The following RBFOX3 variants were observed in gnomAD, a reference collection of about 807,000 sequenced individuals.
RBFOX3 encodes the protein RNA binding protein fox-1 homolog 3.
Under a neutral mutation model 48.7 loss-of-function variants are expected in RBFOX3, and 17 were observed. That is an observed-to-expected ratio of 0.35 (90% CI 0.24 to 0.52). The LOEUF is 0.52. Ranked by LOEUF, RBFOX3 falls within the 20% of genes least tolerant of loss-of-function variation. The probability of loss-of-function intolerance (pLI) is 0.94; values close to 1 mark genes in which losing one functional copy is unlikely to be tolerated. For synonymous variants in RBFOX3, 212 were observed against 209.5 expected (o/e 1.01, Z -0.10); for missense variants, 382 against 497.5 (o/e 0.77, Z 2.21).
intron 3 of RBFOX3, among the ~76,000 whole-genome samples, chr17:79,273,382 A>G (rs59309535): frequency 0.034 from 5,197 of 152,202 alleles, 283 homozygotes; most frequent in African/African-American, 0.12. Context: ...TTTCCAGGAT[A>G]CTTCAGTCCA....
rs181294849 is a variant in RBFOX3, at chr17:79,286,601, C to T, written c.-74+21123G>A. Among the ~76,000 whole-genome samples, 895 of 152,352 alleles carry T rather than the reference C, an allele frequency of 5.9e-3. 5 individuals are homozygous for T. Among genetic ancestry groups the T allele is most frequent in the South Asian group, 0.026 (125 of 4,824 alleles). On this transcript the variant is annotated intron_variant, in intron 3 of 14. Coordinates refer to ENST00000693108, the MANE Select transcript of RBFOX3 (RefSeq NM_001350451.2). ...ATATGTGACAGAGCTTAATACGCTG[C>T]GGCTCCCAGCCTCGCCAGCCACCCC...
At chr17:79,388,079 CGTGTGCATGT>C (rs1375274301) in intron 2 of RBFOX3, among the ~76,000 whole-genome samples, 4 of 151,336 alleles carry the variant, frequency 2.6e-5, no homozygotes, top group East Asian at 1.9e-4. Flanking sequence ...TGTGTGCCTA[CGTGTGCATGT>C]GTGTGCATGT....
Position 79,235,780 on chromosome 17 carries a change from A to G in RBFOX3, c.-48T>C, listed in dbSNP as rs1353343151. ...AGTCTTTATACCTTTTATTCAGCCA[A>G]TTTTCCCCGAGGCACTCTGGGCTCT... is the stretch of plus-strand genomic sequence containing the variant. On this transcript the variant is annotated 5_prime_UTR_variant, in exon 4 of 15. Coordinates refer to ENST00000693108, the MANE Select transcript of RBFOX3 (RefSeq NM_001350451.2). 2.0e-5 allele frequency: 3 copies of G among 153,726 alleles called. No homozygotes were observed. Among genetic ancestry groups the G allele is most frequent in the Admixed American group, 6.5e-5 (1 of 15,280 alleles). The allele number at this position is 153,726 out of a possible 1,614,324, so 9.5% of individuals were successfully genotyped here.
At chr17:79,621,925 G>C in the RBFOX3 span, among the ~76,000 whole-genome samples, 4 of 152,172 alleles carry the variant, frequency 2.6e-5, no homozygotes, top group Non-Finnish European at 5.9e-5. Flanking sequence ...ACCCGAATCC[G>C]GGGAGAAGGA....
chr17:79,458,252 C>T (rs976620335), intron 2 of RBFOX3, among the ~76,000 whole-genome samples: 6 of 152,206 alleles, frequency 3.9e-5, no homozygotes, highest in Admixed American at 2.6e-4. Flanking sequence ...TCTGTCAGGG[C>T]CTTGTTTTTG....
rs952961929 is a variant in RBFOX3 at position 79,519,001 on chromosome 17, G to A, written c.-319-36403C>T. Among the ~76,000 whole-genome samples, 18 of 152,360 alleles carry A rather than the reference G, an allele frequency of 1.2e-4. No individual in the cohort carries two copies. The East Asian group carries it at 3.5e-3, about 29-fold the overall frequency. On this transcript the variant is annotated intron_variant, in intron 1 of 14. Transcript: ENST00000693108. ...GAGAAAGCCAGCCATCGCGGGAGACGCGTCTTCAGGATGCTGTACCCGGGA... is the reference window on the plus strand; with the variant it reads ...GAGAAAGCCAGCCATCGCGGGAGACACGTCTTCAGGATGCTGTACCCGGGA...
intron 1 of RBFOX3, among the ~76,000 whole-genome samples, chr17:79,487,784 G>A (rs374632478): frequency 7.9e-5 from 12 of 151,970 alleles, no homozygotes; most frequent in African/African-American, 2.2e-4. Context: ...GGTGGCAGGC[G>A]CCTGTAGTCC....
At chr17:79,171,798 G>A (rs1168990683) in intron 4 of RBFOX3, among the ~76,000 whole-genome samples, 1 of 151,726 alleles carries the variant, frequency 6.6e-6, no homozygotes, top group East Asian at 1.9e-4. Flanking sequence ...CCAAAGTGCT[G>A]GGATGACGGG....
intron 4 of RBFOX3, among the ~76,000 whole-genome samples, chr17:79,223,801 G>A (rs537785947): frequency 3.3e-5 from 5 of 152,234 alleles, no homozygotes; most frequent in East Asian, 1.9e-4. Flanking sequence ...GTGGCAGTGC[G>A]CCCCCCCTAC....
chr17:79,141,057 C>G (rs962014495), intron 4 of RBFOX3, among the ~76,000 whole-genome samples: 2 of 152,174 alleles, frequency 1.3e-5, no homozygotes, highest in African/African-American at 2.4e-5. Context: ...TTGGAGAGTG[C>G]AGGGGAAGCC....
At chr17:79,233,546 G>A (rs1019378337) in intron 4 of RBFOX3, 4 of 151,732 alleles carry the variant, frequency 2.6e-5, no homozygotes, top group Non-Finnish European at 5.9e-5. Context: ...AAAAACCAAC[G>A]TGCAAAAATC....
chr17:79,512,709 A>G (rs367788624), intron 1 of RBFOX3, among the ~76,000 whole-genome samples: 2,601 of 16,544 alleles, frequency 0.16, 546 homozygotes, highest in East Asian at 0.34. Flanking sequence ...CCCATGGCCA[A>G]GGGACACCCA....
Position 79,423,683 on chromosome 17 carries a change from A to C in RBFOX3, c.-175+58771T>G, listed in dbSNP as rs1555724019. On this transcript the variant is annotated intron_variant, in intron 2 of 14. Transcript: ENST00000693108. This position sits in a 1 kb window ranked among gnomAD's most constrained non-coding sequence, Gnocchi z 4.9. ...GCCCCCCCGACCACCCCGTGCCCAC[A>C]GACAAGGTCAGCTCAATACATACTT... The C allele has an allele frequency of 6.6e-6, 1 of 152,524 alleles. No individual in the cohort carries two copies. Among genetic ancestry groups the C allele is most frequent in the African/African-American group, 2.4e-5 (1 of 40,944 alleles). The allele number at this position is 152,524 out of a possible 1,614,324, so 9.4% of individuals were successfully genotyped here. A position where few individuals can be genotyped will look rare whatever the true frequency, so the allele number is the denominator to read the frequency against.
chr17:79,427,129 G>C (rs782270087), intron 2 of RBFOX3, among the ~76,000 whole-genome samples: 1 of 152,198 alleles, frequency 6.6e-6, no homozygotes. Context: ...TATGGTGCTC[G>C]GAGCAGTAGC....
intron 4 of RBFOX3, among the ~76,000 whole-genome samples, chr17:79,216,585 C>G (rs1337163425): frequency 6.6e-6 from 1 of 152,142 alleles, no homozygotes; most frequent in Admixed American, 6.5e-5. Context: ...CATGGCCCCT[C>G]AGGCCCAGAG....
intron 1 of RBFOX3, among the ~76,000 whole-genome samples, chr17:79,536,566 G>C (rs554844618): frequency 1.3e-5 from 2 of 152,148 alleles, no homozygotes; most frequent in Non-Finnish European, 2.9e-5. Context: ...GTGATCCATT[G>C]CCCTGATGGG....
chr17:79,416,018 T>G (rs1555718842), intron 2 of RBFOX3, among the ~76,000 whole-genome samples: 1 of 152,162 alleles, frequency 6.6e-6, no homozygotes, highest in African/African-American at 2.4e-5. Context: ...GAAAAGGCCA[T>G]GCCTGCGCTG....
In RBFOX3 at chr17:79,471,475, C is replaced by T. The variant is rs1039677249; in HGVS notation, c.-175+10979G>A. Among the ~76,000 whole-genome samples the T allele has an allele frequency of 2.6e-5, 4 of 152,294 alleles. No homozygotes were observed. The highest frequency in any genetic ancestry group is 2.1e-4 in the South Asian group (1 of 4,820). On this transcript the variant is annotated intron_variant, in intron 2 of 14. Coordinates refer to ENST00000693108, the MANE Select transcript of RBFOX3 (RefSeq NM_001350451.2). The surrounding 1 kb of genome is among the most constrained non-coding windows in gnomAD (Gnocchi z 4.0). ...TCACAGACAAGAGACAATATTCAAA[C>T]GCCACCTCTGGTCACCCCTGGCCTG...
chr17:79,218,960 G>T (rs1347724133), intron 4 of RBFOX3, among the ~76,000 whole-genome samples: 1 of 152,186 alleles, frequency 6.6e-6, no homozygotes, highest in Admixed American at 6.5e-5. Flanking sequence ...ACTCCCAGGG[G>T]CCATCCGTCC....
Sources: allele counts gnomAD v4.1 joint callset (sites outside exome capture counted in the v4.1 genomes callset), GRCh38; gene constraint gnomAD v4.1.1; non-coding constraint Gnocchi (gnomAD v3.1); transcripts MANE v1.5; gene names NCBI Gene and HGNC (gene_info 2026-07-23, HGNC 2026-07-21).